GRIP1: variants seen among roughly 807,000 people sequenced by gnomAD.
The protein encoded by GRIP1 is glutamate receptor interacting protein 1.
In GRIP1, 45 loss-of-function variants were observed where a neutral mutation model predicts 129.9. That is an observed-to-expected ratio of 0.35 (90% CI 0.27 to 0.44). The LOEUF (loss-of-function observed/expected upper bound fraction) is 0.44, where lower values mean the gene tolerates loss of function less well. GRIP1 is among the 20% of genes least tolerant of loss of function. GRIP1 has a pLI of 1.00. For missense variants in GRIP1, 1,196 were observed against 1,396.8 expected (o/e 0.86, Z 2.29); for synonymous variants, 530 against 520.8 (o/e 1.02, Z -0.24).
intron 1 of GRIP1, among the ~76,000 whole-genome samples, chr12:67,014,112 G>C (rs991358589): frequency 6.6e-6 from 1 of 152,126 alleles, no homozygotes; most frequent in African/African-American, 2.4e-5. Context: ...CCAGATCCCT[G>C]ATCAAGCCAT....
chr12:66,998,367 A>G (rs867470879), intron 1 of GRIP1, among the ~76,000 whole-genome samples: 26 of 152,270 alleles, frequency 1.7e-4, no homozygotes, highest in African/African-American at 5.8e-4. Context: ...AGAAAAAAAT[A>G]CTTTTCAGTT....
At chr12:67,061,607 C>T (rs887714687) in intron 1 of GRIP1, among the ~76,000 whole-genome samples, 1 of 152,164 alleles carries the variant, frequency 6.6e-6, no homozygotes, top group Non-Finnish European at 1.5e-5. Flanking sequence ...AAAATAAATA[C>T]AGTACAACCA....
intron 1 of GRIP1, among the ~76,000 whole-genome samples, chr12:66,653,896 A>G (rs1277261908): frequency 6.6e-6 from 1 of 152,210 alleles, no homozygotes; most frequent in Non-Finnish European, 1.5e-5. Flanking sequence ...CTGGGTCAGG[A>G]CTGGACAGAG....
At chr12:66,734,811 T>C (rs2036545354) in intron 1 of GRIP1, among the ~76,000 whole-genome samples, 1 of 152,118 alleles carries the variant, frequency 6.6e-6, no homozygotes, top group African/African-American at 2.4e-5. Context: ...AAATTCATTC[T>C]TAAAAAGAAA....
rs554878472 is a variant in GRIP1, at chr12:66,953,933, T to C, written c.58+115117A>G. On this transcript the variant is annotated intron_variant, in intron 1 of 1. Coordinates refer to the GRIP1 transcript ENST00000643019. ...CATACTCAAAATCTGGTCTCCTGTT[T>C]AGCAGATTTCAACAGTGCTTTCCGA... 6.6e-5 allele frequency among the ~76,000 whole-genome samples: 10 copies of C among 152,290 alleles called. No individual in the cohort carries two copies. In the East Asian group the frequency reaches 1.7e-3, roughly 26 times the overall value.
intron 1 of GRIP1, among the ~76,000 whole-genome samples, chr12:66,910,117 C>A (rs1468228097): frequency 1.3e-5 from 2 of 152,158 alleles, no homozygotes; most frequent in Non-Finnish European, 2.9e-5. Context: ...CACAGAAGCA[C>A]ATGAAATATG....
At chr12:66,556,989 C>T (rs1037326122) in intron 2 of GRIP1, among the ~76,000 whole-genome samples, 2 of 151,762 alleles carry the variant, frequency 1.3e-5, no homozygotes, top group African/African-American at 4.8e-5. Context: ...TCAATAATAA[C>T]ATTGAATGTA....
chr12:66,516,640 C>T (rs945506173), intron 6 of GRIP1, among the ~76,000 whole-genome samples: 1 of 152,104 alleles, frequency 6.6e-6, no homozygotes, highest in African/African-American at 2.4e-5. Flanking sequence ...TTTGACATTT[C>T]TGTCAACTCC....
intron 1 of GRIP1, among the ~76,000 whole-genome samples, chr12:67,024,370 C>T (rs190036599): frequency 6.6e-6 from 1 of 152,162 alleles, no homozygotes; most frequent in East Asian, 1.9e-4. Flanking sequence ...GCCATAGACA[C>T]TGGGGGAAAC....
rs755458052 is a variant in GRIP1, at chr12:66,827,387, T to TGTGTGA, written c.59-230461_59-230460insTCACAC. On this transcript the variant is annotated intron_variant, in intron 1 of 1. Transcript: ENST00000643019. Reference sequence around the variant, plus strand: ...AGGTGTGTGTGTGTGTGTGTGTGTGTGAGAGAGAGAGAGAGAGAGAGAGAG... The same window carrying TGTGTGA: ...AGGTGTGTGTGTGTGTGTGTGTGTGTGTGTGAGAGAGAGAGAGAGAGAGAGAGAGAG... 1.2e-3 allele frequency among the ~76,000 whole-genome samples: 125 copies of TGTGTGA among 108,286 alleles called. 3 individuals are homozygous for TGTGTGA. The highest frequency in any genetic ancestry group is 4.4e-3 in the East Asian group (12 of 2,758). The allele number at this position is 108,286 out of a possible 152,430, so 71.0% of individuals were successfully genotyped here.
At chr12:66,581,581 T>C (rs988638668) in intron 2 of GRIP1, among the ~76,000 whole-genome samples, 11 of 149,958 alleles carry the variant, frequency 7.3e-5, no homozygotes, top group Non-Finnish European at 1.6e-4. Flanking sequence ...ATATCACCAC[T>C]GATCCCACAG....
At chr12:66,701,412 T>C (rs2035347562) in intron 1 of GRIP1, among the ~76,000 whole-genome samples, 1 of 152,120 alleles carries the variant, frequency 6.6e-6, no homozygotes, top group African/African-American at 2.4e-5. Flanking sequence ...GTACAAGACA[T>C]AAATAATGTA....
upstream of GRIP1, among the ~76,000 whole-genome samples, chr12:66,807,613 G>A (rs893827921): frequency 3.3e-5 from 5 of 152,010 alleles, no homozygotes; most frequent in Admixed American, 6.5e-5. Flanking sequence ...GGTGGAGCTT[G>A]CAGTGAGTAG....
chr12:66,867,698 T>A (rs4913308), intron 1 of GRIP1, among the ~76,000 whole-genome samples: 93,037 of 152,062 alleles, frequency 0.61, 29,432 homozygotes, highest in East Asian at 0.91. Flanking sequence ...AATGGCACTT[T>A]AAAAACACCC....
intron 2 of GRIP1, among the ~76,000 whole-genome samples, chr12:66,570,756 T>A (rs769950102): frequency 7.2e-5 from 11 of 152,158 alleles, no homozygotes; most frequent in Non-Finnish European, 1.5e-4. Context: ...AAAATGATAT[T>A]TTTGTATTTT....
intron 1 of GRIP1, among the ~76,000 whole-genome samples, chr12:66,938,640 C>T (rs1419722732): frequency 6.6e-6 from 1 of 151,966 alleles, no homozygotes; most frequent in African/African-American, 2.4e-5. Context: ...AAAGGTTTGC[C>T]AGAGAAGCAG....
chr12:66,904,192 T>A (rs973014033), intron 1 of GRIP1, among the ~76,000 whole-genome samples: 1 of 152,338 alleles, frequency 6.6e-6, no homozygotes, highest in South Asian at 2.1e-4. Context: ...TTCTCCCTGC[T>A]ATATAGGCTA....
intron 1 of GRIP1, among the ~76,000 whole-genome samples, chr12:66,644,968 T>A (rs1031541849): frequency 1.3e-5 from 2 of 152,198 alleles, no homozygotes; most frequent in Non-Finnish European, 2.9e-5. Flanking sequence ...AGAACAGGCA[T>A]TTTTACTGGT....
intron 4 of GRIP1, among the ~76,000 whole-genome samples, chr12:66,534,089 T>C (rs1192419501): frequency 6.6e-6 from 1 of 152,164 alleles, no homozygotes; most frequent in Admixed American, 6.5e-5. Flanking sequence ...AACTTATTAA[T>C]TCCTTCAACC....
Sources: allele counts gnomAD v4.1 joint callset (sites outside exome capture counted in the v4.1 genomes callset), GRCh38; gene constraint gnomAD v4.1.1; transcripts MANE v1.5; gene names NCBI Gene and HGNC (gene_info 2026-07-23, HGNC 2026-07-21).